The following RELN variants were observed in gnomAD, a reference collection of about 807,000 sequenced individuals.
The protein encoded by RELN is reelin.
Under a neutral mutation model 427.6 loss-of-function variants are expected in RELN, and 108 were observed. The ratio of observed to expected loss-of-function variants is 0.25; its 90% confidence interval spans 0.22 to 0.30. The LOEUF (loss-of-function observed/expected upper bound fraction) is 0.30, where lower values mean the gene tolerates loss of function less well. RELN is among the 10% of genes least tolerant of loss of function. The probability of loss-of-function intolerance (pLI) is 1.00; values close to 1 mark genes in which losing one functional copy is unlikely to be tolerated. For synonymous variants in RELN, 1,524 were observed against 1,513.4 expected, an observed-to-expected ratio of 1.01 and a Z score of -0.16; for missense variants, 3,715 against 4,302.8, an observed-to-expected ratio of 0.86 and a Z score of 3.82.
chr7:103,856,426 A>C (rs1793945588), intron 2 of RELN, among the ~76,000 whole-genome samples: 1 of 151,690 alleles, frequency 6.6e-6, no homozygotes. Context: ...AAAATTAGCC[A>C]TCTGTGGTGG....
At chr7:103,817,254 T>C (rs1480954979) in intron 3 of RELN, among the ~76,000 whole-genome samples, 5 of 152,220 alleles carry the variant, frequency 3.3e-5, no homozygotes, top group Non-Finnish European at 7.3e-5. Flanking sequence ...CAAGTTAGCA[T>C]TTCACTCTCT....
chr7:103,665,288 G>A (rs937127866), intron 11 of RELN, among the ~76,000 whole-genome samples: 1 of 151,318 alleles, frequency 6.6e-6, no homozygotes, highest in African/African-American at 2.4e-5. Context: ...TCCTCCATTA[G>A]TCTATATGTC....
chr7:103,830,674 A>G (rs945705555), intron 3 of RELN, among the ~76,000 whole-genome samples: 1 of 152,050 alleles, frequency 6.6e-6, no homozygotes, highest in Non-Finnish European at 1.5e-5. Context: ...AAGGTAAAAA[A>G]TTGCAAGAAT....
intron 29 of RELN, among the ~76,000 whole-genome samples, chr7:103,575,042 C>T (rs1830967166): frequency 6.6e-6 from 1 of 152,106 alleles, no homozygotes. Context: ...CTCACAGAGG[C>T]CATGCAGCCA....
intron 14 of RELN, among the ~76,000 whole-genome samples, chr7:103,652,066 A>G (rs183598479): frequency 3.7e-3 from 565 of 152,142 alleles, no homozygotes; most frequent in South Asian, 0.02. Context: ...GTGGCAAGGC[A>G]ATTACCATGT....
chr7:103,870,210 CTT>C (rs1177016582), intron 2 of RELN, among the ~76,000 whole-genome samples: 1 of 151,930 alleles, frequency 6.6e-6, no homozygotes, highest in Non-Finnish European at 1.5e-5. Flanking sequence ...TCTTTAAAGT[CTT>C]TGTTAAATTC....
In RELN at chr7:103,577,223, T is replaced by C. The variant is rs186170675; in HGVS notation, c.4146-1518A>G. Reference sequence around the variant, plus strand: ...CCCCTCTATTATTGTGAGGATAACATGGCAAGATCAGAATGGATTTCTTTT... The same window carrying C: ...CCCCTCTATTATTGTGAGGATAACACGGCAAGATCAGAATGGATTTCTTTT... On this transcript the variant is annotated intron_variant, in intron 28 of 64. Transcript: ENST00000428762. Among the ~76,000 whole-genome samples the C allele has an allele frequency of 2.2e-3, 337 of 152,332 alleles. 1 individual carries two copies. The highest frequency in any genetic ancestry group is 7.8e-3 in the African/African-American group (326 of 41,582).
At chr7:103,657,806 G>A (rs915858894) in intron 12 of RELN, among the ~76,000 whole-genome samples, 1 of 152,222 alleles carries the variant, frequency 6.6e-6, no homozygotes, top group South Asian at 2.1e-4. Context: ...ATAGCCTTTG[G>A]CACCTTGTGG....
At chr7:103,906,996 G>T (rs962442384) in intron 2 of RELN, among the ~76,000 whole-genome samples, 1 of 151,960 alleles carries the variant, frequency 6.6e-6, no homozygotes, top group African/African-American at 2.4e-5. Flanking sequence ...TAAGAATCTG[G>T]TAACTGCCAA....
intron 5 of RELN, among the ~76,000 whole-genome samples, chr7:103,752,651 G>A (rs188598915): frequency 1.2e-3 from 177 of 152,272 alleles, no homozygotes; most frequent in African/African-American, 4.0e-3. Context: ...CTGGTCTCAA[G>A]TGATCTTCCC....
At chr7:103,809,278 G>C (rs1216404846) in intron 3 of RELN, among the ~76,000 whole-genome samples, 2 of 152,184 alleles carry the variant, frequency 1.3e-5, no homozygotes, top group African/African-American at 4.8e-5. Context: ...TTGACTCAGT[G>C]AGGTACTGGA....
chr7:103,876,362 A>G (rs1375378451), intron 2 of RELN, among the ~76,000 whole-genome samples: 3 of 152,144 alleles, frequency 2.0e-5, no homozygotes, highest in African/African-American at 7.2e-5. Context: ...GGTTTATCAT[A>G]TTGTTGAAAG....
chr7:103,786,688 C>T (rs1191632127), intron 3 of RELN, among the ~76,000 whole-genome samples: 1 of 152,138 alleles, frequency 6.6e-6, no homozygotes, highest in Non-Finnish European at 1.5e-5. Flanking sequence ...ACAGGAGCAT[C>T]CAGATTCATA....
chr7:103,628,753 C>T (rs1832384974), intron 20 of RELN, among the ~76,000 whole-genome samples: 1 of 152,144 alleles, frequency 6.6e-6, no homozygotes. Context: ...TGACTTAATA[C>T]AAAATAAAAG....
At chr7:103,507,445 C>T (rs548743615) in intron 51 of RELN, among the ~76,000 whole-genome samples, 8 of 152,008 alleles carry the variant, frequency 5.3e-5, no homozygotes, top group African/African-American at 9.7e-5. Context: ...GGGTACATAA[C>T]GAAATGAAGG....
At chr7:103,697,353 C>T (rs540434917) in intron 10 of RELN, among the ~76,000 whole-genome samples, 1 of 152,222 alleles carries the variant, frequency 6.6e-6, no homozygotes, top group East Asian at 1.9e-4. Flanking sequence ...CACGATTCCT[C>T]CTTCCTGGCC....
chr7:103,611,551 G>A (rs199880487), intron 21 of RELN, 60 bp downstream of exon 21: 2 of 822,094 alleles, frequency 2.4e-6, no homozygotes, highest in African/African-American at 2.8e-5. Context: ...TTTTTTTTTT[G>A]GCTTCCTAGG....
chr7:103,972,507 T>C (rs1474636597), intron 1 of RELN, among the ~76,000 whole-genome samples: 5 of 152,216 alleles, frequency 3.3e-5, no homozygotes, highest in Admixed American at 6.5e-5. Context: ...TAGGTGTGGA[T>C]GGCACTGTCC....
chr7:103,603,539 T>C lies in RELN; in HGVS notation c.3147-49A>G. On this transcript the variant is annotated intron_variant, in intron 23 of 64. Transcript: ENST00000428762. The surrounding 1 kb of genome is among the most constrained non-coding windows in gnomAD (Gnocchi z 4.3). ...GGCAGGTTACAGGCCCACCTGCCAA[T>C]GCAATGGCCCTCTGACCTCAACCAT... 3 of 1,378,888 alleles carry C rather than the reference T, an allele frequency of 2.2e-6. No individual in the cohort carries two copies. Among genetic ancestry groups the C allele is most frequent in the Non-Finnish European group, 3.1e-6 (3 of 966,050 alleles). 85.4% of individuals were successfully genotyped at this position (1,378,888 alleles called of 1,614,324 possible).
Sources: gnomAD v4.1 joint callset for allele counts (sites outside exome capture counted in the v4.1 genomes callset) on GRCh38, gnomAD v4.1.1 for gene constraint, Gnocchi (gnomAD v3.1) non-coding constraint, MANE v1.5 for transcripts, NCBI Gene and HGNC (gene_info 2026-07-23, HGNC 2026-07-21) for gene names.